ESCO1: variants seen among roughly 807,000 people sequenced by gnomAD.
ESCO1 encodes establishment of sister chromatid cohesion N-acetyltransferase 1.
Under a neutral mutation model 83.5 loss-of-function variants are expected in ESCO1, and 33 were observed. That is an observed-to-expected ratio of 0.40 (90% confidence interval 0.30 to 0.53). The LOEUF is 0.53. ESCO1 is among the 20% of genes least tolerant of loss of function. The probability of loss-of-function intolerance (pLI) is 0.63; values close to 1 mark genes in which losing one functional copy is unlikely to be tolerated. For missense variants in ESCO1, 855 were observed against 968.0 expected (o/e 0.88, Z 1.55); for synonymous variants, 332 against 324.3 (o/e 1.02, Z -0.25).
intron 1 of ESCO1, among the ~76,000 whole-genome samples, chr18:21,584,685 T>C (rs2038549272): frequency 6.6e-6 from 1 of 151,936 alleles, no homozygotes; most frequent in Non-Finnish European, 1.5e-5. Context: ...CCTGGGGTGC[T>C]GGCACGTCTG....
chr18:21,593,329 C>G (rs982841596), intron 1 of ESCO1: 1 of 168,018 alleles, frequency 6.0e-6, no homozygotes, highest in Admixed American at 6.4e-5. Flanking sequence ...CAGACACCGT[C>G]TGCAATCCCG....
At position 21,572,498 on chromosome 18, in the gene ESCO1, C is replaced by A. The variant is rs541478729; in HGVS notation, c.1530+816G>T. ...GAGTCTTGGCCACTACAATTTTATT[C>A]TTAGGCTGAAGACTGAATTATTTAT... On this transcript the variant is annotated intron_variant, in intron 4 of 11. Transcript: ENST00000269214. Among the ~76,000 whole-genome samples the A allele has an allele frequency of 2.0e-5, 3 of 152,212 alleles. No homozygotes were observed. In the East Asian group the frequency reaches 5.8e-4, roughly 29 times the overall value.
At chr18:21,557,522 T>C (rs760911671) in intron 8 of ESCO1, among the ~76,000 whole-genome samples, 4 of 152,260 alleles carry the variant, frequency 2.6e-5, no homozygotes, top group Non-Finnish European at 5.9e-5. Context: ...ATTGCTTTAA[T>C]AGTTTCTTAG....
At chr18:21,595,760 G>A (rs2038757149) in intron 1 of ESCO1, among the ~76,000 whole-genome samples, 1 of 150,478 alleles carries the variant, frequency 6.6e-6, no homozygotes, top group East Asian at 2.0e-4. Flanking sequence ...TCAGGAGATC[G>A]AGACCATCCT....
chr18:21,545,111 T>C (rs2037956329), intron 8 of ESCO1, among the ~76,000 whole-genome samples: 2 of 152,220 alleles, frequency 1.3e-5, no homozygotes, highest in Admixed American at 1.3e-4. Flanking sequence ...CTTTTTCTTT[T>C]TTTGGTTCAG....
At chr18:21,541,356 T>C (rs1419459643) in intron 8 of ESCO1, among the ~76,000 whole-genome samples, 3 of 151,906 alleles carry the variant, frequency 2.0e-5, no homozygotes, top group Non-Finnish European at 4.4e-5. Context: ...ATCCCAGCAC[T>C]TTGGGAGGAG....
At chr18:21,593,689 T>C (rs1479347690) in intron 1 of ESCO1, among the ~76,000 whole-genome samples, 1 of 151,288 alleles carries the variant, frequency 6.6e-6, no homozygotes, top group East Asian at 1.9e-4. Context: ...ATTTCAACTA[T>C]ACAACCTTTT....
At chr18:21,584,124 A>C (rs1215772326) in intron 2 of ESCO1, among the ~76,000 whole-genome samples, 186 bp downstream of exon 2, 2 of 152,220 alleles carry the variant, frequency 1.3e-5, no homozygotes, top group Non-Finnish European at 2.9e-5. Flanking sequence ...TACTAGACCA[A>C]GTACCAGGAG....
At position 21,574,708 on chromosome 18, in the gene ESCO1, T is replaced by G. The variant is rs1162571090; in HGVS notation, c.136A>C (p.Lys46Gln). ...TCACTGGAAGATTTAGCCTGTGATT[T>G]TATAGTCTCCTTTGGACCTGATTTT... ...AKKSGPKETI[K>Q]SQAKSSSESK... is the part of the protein sequence containing the mutation. Residue 46 changes from lysine to glutamine, a missense_variant, in exon 4 of 12, where the codon AAA (lysine) becomes CAA (glutamine). Coordinates refer to ENST00000269214, the MANE Select transcript of ESCO1 (RefSeq NM_052911.3). The G allele has an allele frequency of 1.2e-6, 2 of 1,613,172 alleles. No individual in the cohort carries two copies. Among genetic ancestry groups the G allele is most frequent in the Admixed American group, 1.7e-5 (1 of 60,002 alleles).
intron 8 of ESCO1, among the ~76,000 whole-genome samples, chr18:21,554,028 T>TAAACAC (rs1377853730): frequency 6.6e-6 from 1 of 151,448 alleles, no homozygotes; most frequent in East Asian, 1.9e-4. Context: ...AAATGGAAAA[T>TAAACAC]AAACACATGA....
intron 4 of ESCO1, among the ~76,000 whole-genome samples, chr18:21,568,466 G>A (rs995163006): frequency 2.0e-5 from 3 of 152,114 alleles, no homozygotes; most frequent in Non-Finnish European, 4.4e-5. Context: ...ATAGTTTCCT[G>A]GCTCTATACC....
At chr18:21,593,255 GT>G (rs2038708696) in intron 1 of ESCO1, 1 of 175,246 alleles carries the variant, frequency 5.7e-6, no homozygotes, top group African/African-American at 2.4e-5. Flanking sequence ...GGAGGTGGAG[GT>G]TGTAGCGAGC....
intron 1 of ESCO1, among the ~76,000 whole-genome samples, chr18:21,595,412 G>A (rs1443935046): frequency 2.0e-5 from 3 of 149,042 alleles, no homozygotes; most frequent in African/African-American, 7.5e-5. Flanking sequence ...GTTCACGCCT[G>A]TAATCCCAGC....
At chr18:21,569,572 C>T (rs1400166346) in intron 4 of ESCO1, among the ~76,000 whole-genome samples, 1 of 152,164 alleles carries the variant, frequency 6.6e-6, no homozygotes, top group Non-Finnish European at 1.5e-5. Context: ...ATGGTGAAAC[C>T]CCGTCTCTAC....
intron 4 of ESCO1, among the ~76,000 whole-genome samples, chr18:21,570,330 C>A (rs1050095842): frequency 2.0e-5 from 3 of 152,132 alleles, no homozygotes; most frequent in Non-Finnish European, 4.4e-5. Flanking sequence ...AACTCCTGGG[C>A]TCAAGAGATC....
At chr18:21,576,080 G>A (rs1598472186) in intron 2 of ESCO1, among the ~76,000 whole-genome samples, 1 of 151,840 alleles carries the variant, frequency 6.6e-6, no homozygotes, top group South Asian at 2.1e-4. Flanking sequence ...CTATTTTGGG[G>A]AAAAAACAAA....
intron 1 of ESCO1, among the ~76,000 whole-genome samples, chr18:21,590,118 C>A (rs951698734): frequency 6.6e-6 from 1 of 151,970 alleles, no homozygotes; most frequent in East Asian, 1.9e-4. Context: ...TGAGCCACTG[C>A]GTCCGGCCGC....
At position 21,530,607 on chromosome 18, in the gene ESCO1, T is replaced by G. The variant is rs899087933; in HGVS notation, c.2376-117A>C. ...ATACAATTTGACTAAAAAAGCTTTT[T>G]AGATACTGCTGTATGTGCTCAAAAT... On this transcript the variant is annotated intron_variant, in intron 11 of 11. Transcript: ENST00000269214. The G allele has an allele frequency of 6.5e-6, 6 of 922,368 alleles. No individual in the cohort carries two copies. In the African/African-American group the frequency reaches 6.9e-5, roughly 11 times the overall value. The allele number at this position is 922,368 out of a possible 1,614,324, so 57.1% of individuals were successfully genotyped here.
chr18:21,577,004 G>A (rs1198288156), intron 2 of ESCO1, among the ~76,000 whole-genome samples: 1 of 150,208 alleles, frequency 6.7e-6, no homozygotes, highest in African/African-American at 2.5e-5. Flanking sequence ...CTGCACTCCA[G>A]CCTAGGCGAC....
Sources: allele counts gnomAD v4.1 joint callset (sites outside exome capture counted in the v4.1 genomes callset), GRCh38; gene constraint gnomAD v4.1.1; transcripts MANE v1.5; gene names NCBI Gene and HGNC (gene_info 2026-07-23, HGNC 2026-07-21).